NRG1: variants seen among roughly 807,000 people sequenced by gnomAD.
NRG1 encodes neuregulin 1.
NRG1 carries 18 observed loss-of-function variants against 63.8 expected under a neutral mutation model. The ratio of observed to expected loss-of-function variants is 0.28; its 90% CI spans 0.19 to 0.42. The LOEUF (loss-of-function observed/expected upper bound fraction) is 0.42, where lower values mean the gene tolerates loss of function less well. Ranked by LOEUF, NRG1 falls within the 10% of genes least tolerant of loss-of-function variation. The pLI, the probability that NRG1 is intolerant of heterozygous loss-of-function variation, is 1.00. For synonymous variants in NRG1, 302 were observed against 301.3 expected, an observed-to-expected ratio of 1.00 and a Z score of -0.02; for missense variants, 762 against 814.7, an observed-to-expected ratio of 0.94 and a Z score of 0.79.
At chr8:31,913,341 T>C (rs1833103711) in intron 1 of NRG1, among the ~76,000 whole-genome samples, 1 of 152,168 alleles carries the variant, frequency 6.6e-6, no homozygotes. Context: ...GGAAAAAGCA[T>C]TTATTGACCA....
At chr8:32,687,465 A>G (rs911397421) in intron 5 of NRG1, among the ~76,000 whole-genome samples, 1 of 152,190 alleles carries the variant, frequency 6.6e-6, no homozygotes, top group East Asian at 1.9e-4. Flanking sequence ...CACATATGAA[A>G]TTAGCAAAGC....
chr8:32,106,429 A>G (rs1054250753), intron 1 of NRG1, among the ~76,000 whole-genome samples: 5 of 152,206 alleles, frequency 3.3e-5, no homozygotes, highest in African/African-American at 1.2e-4. Context: ...GGTAGCATAG[A>G]GGCAAGTGAA....
chr8:31,830,122 T>A (rs1380560440), intron 1 of NRG1, among the ~76,000 whole-genome samples: 1 of 152,162 alleles, frequency 6.6e-6, no homozygotes, highest in Non-Finnish European at 1.5e-5. Flanking sequence ...CTGAGAGTAT[T>A]ATCATATCAA....
At chr8:32,372,488 G>T (rs916298923) in intron 1 of NRG1, among the ~76,000 whole-genome samples, 10 of 152,138 alleles carry the variant, frequency 6.6e-5, no homozygotes, top group Non-Finnish European at 1.5e-5. Flanking sequence ...GCAGCAATTG[G>T]TGAGTTTGAT....
chr8:32,401,201 A>G (rs79252717), intron 1 of NRG1, among the ~76,000 whole-genome samples: 2,989 of 152,036 alleles, frequency 0.02, 95 homozygotes, highest in African/African-American at 0.063. Context: ...TACTATGCTT[A>G]TTACCTGGGC....
chr8:32,119,815 C>T (rs1833202325), intron 1 of NRG1, among the ~76,000 whole-genome samples: 1 of 151,794 alleles, frequency 6.6e-6, no homozygotes, highest in African/African-American at 2.4e-5. Context: ...TGTTTTCCCA[C>T]CTAGCAAAAA....
chr8:32,544,819 G>C (rs1308871321), upstream of NRG1, among the ~76,000 whole-genome samples: 3 of 148,546 alleles, frequency 2.0e-5, no homozygotes, highest in Non-Finnish European at 4.4e-5. Flanking sequence ...CACCATGCCC[G>C]GCCTGTCTAT....
intron 1 of NRG1, among the ~76,000 whole-genome samples, chr8:32,538,149 G>T (rs1440394655): frequency 1.3e-5 from 2 of 152,162 alleles, no homozygotes; most frequent in African/African-American, 4.8e-5. Context: ...ACTGCGCTCA[G>T]CTGAGACAGT....
chr8:32,071,581 T>C (rs548366352), intron 1 of NRG1, among the ~76,000 whole-genome samples: 13 of 152,322 alleles, frequency 8.5e-5, no homozygotes, highest in Middle Eastern at 3.4e-3. Flanking sequence ...TAAAGTACTT[T>C]AGAACATTTC....
Position 32,747,732 on chromosome 8 carries a change from G to GTATATATATATATATATATA in NRG1, c.691+5006_691+5025dup, listed in dbSNP as rs35663919. Among the ~76,000 whole-genome samples the GTATATATATATATATATATA allele has an allele frequency of 1.3e-3, 167 of 132,052 alleles. 1 individual carries two copies. The highest frequency in any genetic ancestry group is 4.5e-3 in the African/African-American group (150 of 33,636). The allele number at this position is 132,052 out of a possible 152,430, so 86.6% of individuals were successfully genotyped here. ...TGTTTGTGTGCATATATGTGTGTGT[G>GTATATATATATATATATATA]TATATATATATATATATATATATAT... On this transcript the variant is annotated intron_variant, in intron 7 of 11. Coordinates refer to ENST00000356819, the Ensembl canonical transcript of NRG1.
intron 1 of NRG1, among the ~76,000 whole-genome samples, chr8:32,207,221 G>A (rs145890996): frequency 6.6e-6 from 1 of 151,846 alleles, no homozygotes; most frequent in Non-Finnish European, 1.5e-5. Context: ...TTTAAATGTC[G>A]CTTTCCAACA....
At chr8:32,209,484 C>G (rs1236606990) in intron 1 of NRG1, among the ~76,000 whole-genome samples, 1 of 151,808 alleles carries the variant, frequency 6.6e-6, no homozygotes, top group Non-Finnish European at 1.5e-5. Flanking sequence ...TTTATACATA[C>G]CTTTCAGTGT....
chr8:32,582,892 C>G lies in NRG1; in HGVS notation c.101-12936C>G, dbSNP rs1324502536. Among the ~76,000 whole-genome samples the G allele has an allele frequency of 3.3e-5, 5 of 152,188 alleles. No individual in the cohort carries two copies. In the East Asian group the frequency reaches 9.6e-4, roughly 29 times the overall value. Reference sequence around the variant, plus strand: ...CAAATTCTCAAAAAATGCTTTTGCTCTTTCTAAGATTTCATGACTTTAAAG... The same window carrying G: ...CAAATTCTCAAAAAATGCTTTTGCTGTTTCTAAGATTTCATGACTTTAAAG... On this transcript the variant is annotated intron_variant, in intron 1 of 11. Transcript: ENST00000356819.
chr8:31,674,903 ATCCTT>A lies in NRG1; in HGVS notation c.37+35478_37+35482del, dbSNP rs550310594. Among the ~76,000 whole-genome samples the A allele has an allele frequency of 2.5e-4, 38 of 152,324 alleles. No homozygotes were observed. In the South Asian group the frequency reaches 7.0e-3, roughly 28 times the overall value. On this transcript the variant is annotated intron_variant, in intron 1 of 10. Coordinates refer to the NRG1 transcript ENST00000519301. ...TTACCTTGTACTGTGGGGTAGCACT[ATCCTT>A]TCCTTACTCCATTTTCAGGCCCTTG...
chr8:32,614,106 G>A (rs1846869614), intron 3 of NRG1, among the ~76,000 whole-genome samples: 1 of 151,846 alleles, frequency 6.6e-6, no homozygotes, highest in Non-Finnish European at 1.5e-5. Context: ...TTTTATTTTT[G>A]AACAAAAATG....
intron 1 of NRG1, among the ~76,000 whole-genome samples, chr8:31,781,675 G>T (rs1819699190): frequency 6.6e-6 from 1 of 152,090 alleles, no homozygotes; most frequent in African/African-American, 2.4e-5. Flanking sequence ...AGCCTAAAAA[G>T]GTAGCCAAGA....
intron 1 of NRG1, among the ~76,000 whole-genome samples, chr8:31,753,087 A>T (rs1219123044): frequency 6.6e-6 from 1 of 152,058 alleles, no homozygotes; most frequent in Non-Finnish European, 1.5e-5. Context: ...TGACTAGAAG[A>T]TCAGGAAGAT....
In NRG1 at chr8:32,581,497, A is replaced by G. The variant is rs189207306; in HGVS notation, c.101-14331A>G. Among the ~76,000 whole-genome samples, 133 of 152,318 alleles carry G rather than the reference A, an allele frequency of 8.7e-4. 1 individual carries two copies. The highest frequency in any genetic ancestry group is 2.9e-3 in the African/African-American group (122 of 41,586). ...TTCGTTCTTCCATTCAGTCAACATT[A>G]TTGAGCACTGTGCTAGTTATTAGGA... On this transcript the variant is annotated intron_variant, in intron 1 of 11. Coordinates refer to ENST00000356819, the Ensembl canonical transcript of NRG1.
chr8:31,987,894 G>T (rs959616434), intron 1 of NRG1, among the ~76,000 whole-genome samples: 1 of 152,040 alleles, frequency 6.6e-6, no homozygotes, highest in Admixed American at 6.6e-5. Flanking sequence ...TTCATTTTAG[G>T]AATAGGTTAA....
Sources: allele counts gnomAD v4.1 joint callset (sites outside exome capture counted in the v4.1 genomes callset), GRCh38; gene constraint gnomAD v4.1.1; transcripts MANE v1.5; gene names NCBI Gene and HGNC (gene_info 2026-07-23, HGNC 2026-07-21).